Variants in ZNF589 observed in about 807,000 individuals in gnomAD.
ZNF589 encodes KRAB-zinc finger protein SZF1-1.
A neutral mutation model predicts 13.6 loss-of-function variants in ZNF589; 17 were observed. The ratio of observed to expected loss-of-function variants is 1.25; its 90% CI spans 0.86 to 1.88. The LOEUF is 1.88. ZNF589 is among the 40% of genes most tolerant of loss of function. The probability of loss-of-function intolerance (pLI) is 0.00; values close to 1 mark genes in which losing one functional copy is unlikely to be tolerated. For synonymous variants in ZNF589, 148 were observed against 161.6 expected, an observed-to-expected ratio of 0.92 and a Z score of 0.64; for missense variants, 407 against 434.0, an observed-to-expected ratio of 0.94 and a Z score of 0.55.
chr3:48,260,379 A>G (rs1000454968), intron 2 of ZNF589, among the ~76,000 whole-genome samples: 13 of 151,838 alleles, frequency 8.6e-5, no homozygotes, highest in Non-Finnish European at 1.3e-4. Context: ...GGCTCAAGCA[A>G]TCCTCTCATG....
chr3:48,241,348 T>A, intron 1 of ZNF589, 134 bp downstream of exon 1: 1 of 1,149,646 alleles, frequency 8.7e-7, no homozygotes, highest in Non-Finnish European at 1.2e-6. Flanking sequence ...CTACAGCGGC[T>A]CTTACTCCCC....
At chr3:48,241,987 T>G (rs1305089241) in intron 1 of ZNF589, among the ~76,000 whole-genome samples, 1 of 152,084 alleles carries the variant, frequency 6.6e-6, no homozygotes, top group Admixed American at 6.6e-5. Context: ...GGCTGTTGTA[T>G]TTTTAGTAGA....
At chr3:48,250,629 G>A (rs1177279766) in intron 2 of ZNF589, among the ~76,000 whole-genome samples, 1 of 151,664 alleles carries the variant, frequency 6.6e-6, no homozygotes, top group Admixed American at 6.6e-5. Context: ...GCGACACCAC[G>A]CCTGGCTAAT....
chr3:48,244,208 A>C (rs2033735148), intron 1 of ZNF589, among the ~76,000 whole-genome samples: 1 of 152,110 alleles, frequency 6.6e-6, no homozygotes, highest in African/African-American at 2.4e-5. Flanking sequence ...GGAGAGGCTT[A>C]GATGGTCTTT....
intron 3 of ZNF589, 124 bp downstream of exon 3, chr3:48,261,063 C>T: frequency 9.2e-7 from 1 of 1,082,396 alleles, no homozygotes; most frequent in Non-Finnish European, 1.3e-6. Context: ...CATTTCTTCT[C>T]TCGTGGAGCT....
At chr3:48,259,498 C>A (rs1216710083) in intron 2 of ZNF589, among the ~76,000 whole-genome samples, 1 of 152,064 alleles carries the variant, frequency 6.6e-6, no homozygotes, top group Admixed American at 6.5e-5. Flanking sequence ...TATACATTAC[C>A]AACTCCTAGA....
Position 48,270,534 on chromosome 3 carries a change from T to C in ZNF589, c.*1748T>C. The C allele has an allele frequency of 5.9e-6, 2 of 337,348 alleles. No homozygotes were observed. Among genetic ancestry groups the C allele is most frequent in the Non-Finnish European group, 1.2e-5 (2 of 172,342 alleles). The allele number at this position is 337,348 out of a possible 1,614,324, so 20.9% of individuals were successfully genotyped here. On this transcript the variant is annotated 3_prime_UTR_variant, in exon 4 of 4. Coordinates refer to ENST00000354698, the MANE Select transcript of ZNF589 (RefSeq NM_016089.3). ...CTCTCCTCACACTCCAGGGCCCATA[T>C]GGCCCAGGTTCTGACAGTTTGCCTT...
Position 48,268,844 on chromosome 3 carries a change from G to A in ZNF589, c.*58G>A, listed in dbSNP as rs2034055213. On this transcript the variant is annotated 3_prime_UTR_variant, in exon 4 of 4. Coordinates refer to ENST00000354698, the MANE Select transcript of ZNF589 (RefSeq NM_016089.3). ...CACACACCAGAGGATACATTCAGAT[G>A]AGAAGCCTTTTGTTTGCAGAGAGTG... 3 of 1,547,086 alleles carry A rather than the reference G, an allele frequency of 1.9e-6. No individual in the cohort carries two copies. Among genetic ancestry groups the A allele is most frequent in the Non-Finnish European group, 2.6e-6 (3 of 1,148,490 alleles).
chr3:48,248,442 A>G (rs1185438893), intron 2 of ZNF589, among the ~76,000 whole-genome samples: 2 of 152,210 alleles, frequency 1.3e-5, no homozygotes, highest in African/African-American at 2.4e-5. Context: ...AAACTACCCA[A>G]TGATAAAAGA....
rs541212177 is a variant in ZNF589, at chr3:48,257,079, G to T, written c.97-3734G>T. The T allele has an allele frequency of 6.8e-4, 328 of 480,782 alleles. 2 individuals are homozygous for T. The highest frequency in any genetic ancestry group is 6.0e-3 in the African/African-American group (307 of 50,922). The allele number at this position is 480,782 out of a possible 1,614,324, so 29.8% of individuals were successfully genotyped here. A position where few individuals can be genotyped will look rare whatever the true frequency, so the allele number is the denominator to read the frequency against. ...TGATTTTCTTATATTTTGGGAGGGGGTATTGTATCTCTGTGAGATATATTG... is the reference window on the plus strand; with the variant it reads ...TGATTTTCTTATATTTTGGGAGGGGTTATTGTATCTCTGTGAGATATATTG... On this transcript the variant is annotated intron_variant, in intron 2 of 3. Coordinates refer to ENST00000354698, the MANE Select transcript of ZNF589 (RefSeq NM_016089.3).
chr3:48,257,190 C>T (rs1455903935), intron 2 of ZNF589, among the ~76,000 whole-genome samples: 1 of 151,992 alleles, frequency 6.6e-6, no homozygotes, highest in African/African-American at 2.4e-5. Flanking sequence ...GAAATGTTCC[C>T]TCTGCTTTGT....
intron 1 of ZNF589, among the ~76,000 whole-genome samples, chr3:48,246,105 G>A (rs566639344): frequency 1.3e-5 from 2 of 152,030 alleles, no homozygotes; most frequent in Non-Finnish European, 2.9e-5. Flanking sequence ...TTAAGGTCGG[G>A]AGTTCGAGAC....
At chr3:48,252,868 C>T (rs969083270) in intron 2 of ZNF589, among the ~76,000 whole-genome samples, 7 of 151,602 alleles carry the variant, frequency 4.6e-5, no homozygotes, top group Non-Finnish European at 1.5e-5. Flanking sequence ...GTGATCCACA[C>T]GCCTCCCAGA....
chr3:48,242,731 C>T (rs1230531818), intron 1 of ZNF589, among the ~76,000 whole-genome samples: 1 of 152,172 alleles, frequency 6.6e-6, no homozygotes, highest in Non-Finnish European at 1.5e-5. Flanking sequence ...AACGAATGAG[C>T]ATTGCCGTGT....
At chr3:48,258,858 G>A (rs17080039) in intron 2 of ZNF589, among the ~76,000 whole-genome samples, 1,789 of 152,298 alleles carry the variant, frequency 0.012, 21 homozygotes, top group Non-Finnish European at 0.019. Context: ...CATCCACTGA[G>A]CAAAAAGCCT....
At chr3:48,254,296 G>A (rs1425910404) in intron 2 of ZNF589, among the ~76,000 whole-genome samples, 1 of 152,132 alleles carries the variant, frequency 6.6e-6, no homozygotes, top group African/African-American at 2.4e-5. Context: ...GTTTGTGTCG[G>A]TCATTTCTGG....
At chr3:48,255,808 G>C (rs1430430724) in intron 2 of ZNF589, among the ~76,000 whole-genome samples, 1 of 151,866 alleles carries the variant, frequency 6.6e-6, no homozygotes, top group Non-Finnish European at 1.5e-5. Context: ...GTCTTGCCAT[G>C]TTGCCCAGGC....
intron 1 of ZNF589, among the ~76,000 whole-genome samples, chr3:48,247,078 C>T (rs2033775204): frequency 6.6e-6 from 1 of 152,166 alleles, no homozygotes; most frequent in Non-Finnish European, 1.5e-5. Flanking sequence ...TCAAGCGATT[C>T]TCCTGCCACA....
At chr3:48,255,487 C>CTTTTTTTTTTT (rs1230659894) in intron 2 of ZNF589, among the ~76,000 whole-genome samples, 1 of 82,788 alleles carries the variant, frequency 1.2e-5, no homozygotes, top group Non-Finnish European at 2.3e-5. Flanking sequence ...AGAGTTTTTA[C>CTTTTTTTTTTT]TTTTTTTTTT....
Sources: allele counts gnomAD v4.1 joint callset (sites outside exome capture counted in the v4.1 genomes callset), GRCh38; gene constraint gnomAD v4.1.1; transcripts MANE v1.5; gene names NCBI Gene and HGNC (gene_info 2026-07-23, HGNC 2026-07-21).